Variants in TRMT11 observed in about 807,000 individuals in gnomAD.
TRMT11 encodes tRNA methyltransferase 11, also known as tRNA (guanine(10)-N(2))-methyltransferase TRMT11.
In TRMT11, 53 loss-of-function variants were observed where a neutral mutation model predicts 62.8. That is an observed-to-expected ratio of 0.84 (90% CI 0.68 to 1.06). The LOEUF is 1.06. TRMT11 is among the 50% of genes least tolerant of loss of function. TRMT11 has a pLI of 0.00. For missense variants in TRMT11, 556 were observed against 553.4 expected (o/e 1.00, Z -0.05); for synonymous variants, 188 against 190.3 (o/e 0.99, Z 0.10).
chr6:126,160,623 AG>A lies in TRMT11; in HGVS notation c.*1824-14198del, dbSNP rs145891719. On this transcript the variant is annotated intron_variant and NMD_transcript_variant, in intron 21 of 22. Transcript: ENST00000648977. ...CCTTCCCTCAGCATAAGCTCTTGCC[AG>A]GGGTCTCTTTAGTCAGATATACTCT... Among the ~76,000 whole-genome samples the A allele has an allele frequency of 4.5e-3, 681 of 152,258 alleles. 3 individuals carry two copies. The highest frequency in any genetic ancestry group is 0.016 in the African/African-American group (646 of 41,558).
chr6:126,043,209 C>G (rs898121230), downstream of TRMT11, among the ~76,000 whole-genome samples: 1 of 109,864 alleles, frequency 9.1e-6, no homozygotes, highest in African/African-American at 3.4e-5. Flanking sequence ...CCCCCTCCCC[C>G]CACCCCACAA....
intron 11 of TRMT11, among the ~76,000 whole-genome samples, chr6:126,017,986 A>G (rs72975945): frequency 2.7e-3 from 413 of 152,302 alleles, no homozygotes; most frequent in Non-Finnish European, 4.6e-3. Flanking sequence ...ATTTCATTGT[A>G]CACAGATAAC....
chr6:126,205,610 C>T (rs1778781689), downstream of TRMT11, among the ~76,000 whole-genome samples: 1 of 152,126 alleles, frequency 6.6e-6, no homozygotes, highest in Admixed American at 6.5e-5. Context: ...TTTACCTTAA[C>T]ATAACTTTGA....
the TRMT11 span, among the ~76,000 whole-genome samples, chr6:126,243,481 C>A: frequency 6.6e-5 from 10 of 152,282 alleles, no homozygotes; most frequent in East Asian, 1.9e-3. Flanking sequence ...AAGACACATG[C>A]ACACGTATGT....
chr6:126,024,633 A>G (rs1032849960), intron 12 of TRMT11, among the ~76,000 whole-genome samples: 23 of 152,240 alleles, frequency 1.5e-4, no homozygotes, highest in African/African-American at 5.5e-4. Flanking sequence ...CTGTCTTCAA[A>G]TACAGTCATA....
intron 21 of TRMT11, among the ~76,000 whole-genome samples, chr6:126,141,580 G>T (rs1285561514): frequency 2.0e-5 from 3 of 152,126 alleles, no homozygotes; most frequent in African/African-American, 7.2e-5. Context: ...GATGTGAGAA[G>T]AATGGTCAGG....
intron 21 of TRMT11, among the ~76,000 whole-genome samples, chr6:126,146,575 T>C (rs975925820): frequency 2.0e-5 from 3 of 151,766 alleles, no homozygotes; most frequent in Non-Finnish European, 2.9e-5. Context: ...TGCAGTGCAA[T>C]AGCGTGATCT....
chr6:125,999,384 G>A, intron 6 of TRMT11, 73 bp from the exon 7 acceptor site: 1 of 1,162,776 alleles, frequency 8.6e-7, no homozygotes, highest in East Asian at 2.6e-5. Context: ...AAAATACAAT[G>A]GTCTTATTGT....
In TRMT11 at chr6:126,189,888, T is replaced by C. The variant is rs140766374; in HGVS notation, n.144-8911T>C. Reference sequence around the variant, plus strand: ...ATTTTCATTACAAGCCCTTTTATTCTTTGATTCTTTTGTATTTTTAAATAT... The same window carrying C: ...ATTTTCATTACAAGCCCTTTTATTCCTTGATTCTTTTGTATTTTTAAATAT... On this transcript the variant is annotated intron_variant and non_coding_transcript_variant, in intron 1 of 3. Transcript: ENST00000444229. 1.1e-4 allele frequency among the ~76,000 whole-genome samples: 16 copies of C among 152,250 alleles called. No individual in the cohort carries two copies. In the East Asian group the frequency reaches 3.1e-3, roughly 29 times the overall value.
At chr6:126,080,206 G>T (rs1777132257) in intron 17 of TRMT11, among the ~76,000 whole-genome samples, 1 of 151,920 alleles carries the variant, frequency 6.6e-6, no homozygotes, top group African/African-American at 2.4e-5. Flanking sequence ...GGCTCAAGTG[G>T]TCCTCCCCAC....
At chr6:126,075,399 G>A (rs1273691282) in intron 17 of TRMT11, among the ~76,000 whole-genome samples, 2 of 152,010 alleles carry the variant, frequency 1.3e-5, no homozygotes, top group East Asian at 3.9e-4. Flanking sequence ...TGGATCATGG[G>A]GACGGATTTC....
rs369938933 is a variant in TRMT11 at position 126,066,305 on chromosome 6, T to C, written c.*1437+13115T>C. Among the ~76,000 whole-genome samples, 320 of 152,340 alleles carry C rather than the reference T, an allele frequency of 2.1e-3. 1 individual carries two copies. The highest frequency in any genetic ancestry group is 9.7e-3 in the South Asian group (47 of 4,828). ...GCCTTACATGGACTGTCACTCAGTT[T>C]GGGCTGCCATAACAGAATACTATGG... On this transcript the variant is annotated intron_variant and NMD_transcript_variant, in intron 17 of 22. Coordinates refer to the TRMT11 transcript ENST00000648977.
intron 17 of TRMT11, among the ~76,000 whole-genome samples, chr6:126,084,298 G>A (rs1777189905): frequency 6.6e-6 from 1 of 152,090 alleles, no homozygotes; most frequent in Non-Finnish European, 1.5e-5. Context: ...ACAGTGGAAG[G>A]TGGTATCTCA....
intron 21 of TRMT11, among the ~76,000 whole-genome samples, chr6:126,170,320 T>C (rs925453642): frequency 5.2e-4 from 79 of 152,194 alleles, no homozygotes; most frequent in African/African-American, 1.8e-3. Flanking sequence ...TGTAACCCTC[T>C]CCCTAGTTTA....
chr6:125,995,581 G>C (rs1791371910), intron 2 of TRMT11, among the ~76,000 whole-genome samples: 1 of 152,178 alleles, frequency 6.6e-6, no homozygotes, highest in East Asian at 1.9e-4. Context: ...AAGGTCTCAT[G>C]TAGCAACTAA....
chr6:126,258,239 C>A, the TRMT11 span: 2 of 615,364 alleles, frequency 3.3e-6, no homozygotes, highest in Admixed American at 1.9e-5. Flanking sequence ...GTCTGTGCCG[C>A]CCGGGCCTCC....
the TRMT11 span, among the ~76,000 whole-genome samples, chr6:126,263,263 T>C: frequency 1.1e-4 from 16 of 152,200 alleles, no homozygotes; most frequent in African/African-American, 3.4e-4. Flanking sequence ...GCTAATTATT[T>C]TGGGGGGAAA....
intron 17 of TRMT11, among the ~76,000 whole-genome samples, chr6:126,093,587 A>ATG (rs1481755472): frequency 0.012 from 180 of 15,166 alleles, 4 homozygotes; most frequent in African/African-American, 0.052. Flanking sequence ...ATATGTATGT[A>ATG]TATATATATA....
chr6:126,074,381 G>C (rs577039798), intron 17 of TRMT11, among the ~76,000 whole-genome samples: 2 of 152,252 alleles, frequency 1.3e-5, no homozygotes, highest in South Asian at 4.1e-4. Context: ...TCTGACAGGA[G>C]CATGATATTT....
Sources: allele counts gnomAD v4.1 joint callset (sites outside exome capture counted in the v4.1 genomes callset), GRCh38; gene constraint gnomAD v4.1.1; transcripts MANE v1.5; gene names NCBI Gene and HGNC (gene_info 2026-07-23, HGNC 2026-07-21).